Variants in ASTN2 observed in about 807,000 individuals in gnomAD.
The protein encoded by ASTN2 is astrotactin-2.
In ASTN2, 54 loss-of-function variants were observed where a neutral mutation model predicts 139.8. The ratio of observed to expected loss-of-function variants is 0.39; its 90% confidence interval spans 0.31 to 0.48. The LOEUF (loss-of-function observed/expected upper bound fraction) is 0.48. Ranked by LOEUF, ASTN2 falls within the 20% of genes least tolerant of loss-of-function variation. The pLI is 0.95. For synonymous variants in ASTN2, 756 were observed against 719.5 expected (o/e 1.05, Z -0.81); for missense variants, 1,565 against 1,725.1 (o/e 0.91, Z 1.64).
chr9:116,958,284 T>A (rs887987680), intron 10 of ASTN2, among the ~76,000 whole-genome samples: 1 of 152,054 alleles, frequency 6.6e-6, no homozygotes, highest in Non-Finnish European at 1.5e-5. Flanking sequence ...TGAGAGCCAC[T>A]CACTTAAACT....
At chr9:116,833,088 G>GT (rs775375719) in intron 11 of ASTN2, among the ~76,000 whole-genome samples, 28 of 152,170 alleles carry the variant, frequency 1.8e-4, no homozygotes, top group South Asian at 6.2e-4. Context: ...TTCCTTAATA[G>GT]TTATAGGGCT....
At chr9:117,339,151 AT>A (rs1828984934) in intron 1 of ASTN2, among the ~76,000 whole-genome samples, 1 of 152,010 alleles carries the variant, frequency 6.6e-6, no homozygotes, top group Non-Finnish European at 1.5e-5. Context: ...CAAACCCCCA[AT>A]TTTCTCTCAC....
chr9:117,240,366 G>C (rs976188779), intron 2 of ASTN2, among the ~76,000 whole-genome samples: 1 of 152,168 alleles, frequency 6.6e-6, no homozygotes, highest in East Asian at 1.9e-4. Context: ...AAGGGAACGA[G>C]GATGGTTGAA....
At chr9:117,165,959 C>G (rs900155602) in intron 3 of ASTN2, among the ~76,000 whole-genome samples, 1 of 152,092 alleles carries the variant, frequency 6.6e-6, no homozygotes. Flanking sequence ...CCTGAAGCAA[C>G]CCATTGATTA....
rs114387867 is a variant in ASTN2, at chr9:117,168,993, C to T, written c.1016-27515G>A. On this transcript the variant is annotated intron_variant, in intron 3 of 22. Transcript: ENST00000313400. The stretch of plus-strand genomic sequence containing the variant: ...TTGGACAATACACATCTCCTCTGAG[C>T]CTCAATATCCTCAGCTGTAACATGG... Among the ~76,000 whole-genome samples, 843 of 152,198 alleles carry T rather than the reference C, an allele frequency of 5.5e-3. 5 individuals are homozygous for T. Among genetic ancestry groups the T allele is most frequent in the African/African-American group, 0.019 (803 of 41,536 alleles).
chr9:117,350,458 G>A (rs752830998), intron 1 of ASTN2, among the ~76,000 whole-genome samples: 93 of 151,934 alleles, frequency 6.1e-4, no homozygotes, highest in Non-Finnish European at 1.2e-3. Flanking sequence ...GCTGAGGCAG[G>A]AAAATTGCTT....
At chr9:117,174,046 C>A (rs1830857616) in intron 3 of ASTN2, among the ~76,000 whole-genome samples, 1 of 150,434 alleles carries the variant, frequency 6.6e-6, no homozygotes, top group Non-Finnish European at 1.5e-5. Context: ...GGCATAAAAA[C>A]AAAATCTCTG....
chr9:117,112,970 A>G (rs1475117785), intron 4 of ASTN2, among the ~76,000 whole-genome samples: 1 of 152,188 alleles, frequency 6.6e-6, no homozygotes, highest in Non-Finnish European at 1.5e-5. Context: ...ATGAATGCTG[A>G]TAAGTACATG....
At chr9:117,062,091 T>C (rs1839310559) in intron 5 of ASTN2, among the ~76,000 whole-genome samples, 1 of 152,200 alleles carries the variant, frequency 6.6e-6, no homozygotes, top group Non-Finnish European at 1.5e-5. Context: ...TCTTCTCCTG[T>C]ACCACACGAT....
chr9:117,328,457 T>C (rs1033536844), intron 1 of ASTN2, among the ~76,000 whole-genome samples: 6 of 152,314 alleles, frequency 3.9e-5, no homozygotes, highest in Admixed American at 1.3e-4. Flanking sequence ...ATCATCTCTC[T>C]GCCATGACCT....
intron 19 of ASTN2, 83 bp from the exon 20 acceptor site, chr9:116,487,583 T>C: frequency 7.6e-7 from 1 of 1,322,582 alleles, no homozygotes; most frequent in Non-Finnish European, 1.0e-6. Context: ...ACCTATCAAA[T>C]GTCTTGATAC....
intron 10 of ASTN2, among the ~76,000 whole-genome samples, chr9:116,970,381 C>T (rs1029083402): frequency 6.6e-6 from 1 of 152,158 alleles, no homozygotes; most frequent in African/African-American, 2.4e-5. Flanking sequence ...AACCAGTGAG[C>T]TAGTGACTTC....
At chr9:117,055,898 T>C (rs1200323885) in intron 5 of ASTN2, among the ~76,000 whole-genome samples, 1 of 152,226 alleles carries the variant, frequency 6.6e-6, no homozygotes, top group East Asian at 1.9e-4. Flanking sequence ...CTTCCAAGGT[T>C]AGGTTATGAA....
chr9:116,867,422 T>C (rs1588367784), intron 10 of ASTN2, among the ~76,000 whole-genome samples: 3 of 150,390 alleles, frequency 2.0e-5, no homozygotes, highest in South Asian at 2.1e-4. Context: ...TGGTGGCGGG[T>C]GCCTGTAGTC....
At chr9:116,788,910 G>A (rs1012374711) in intron 13 of ASTN2, among the ~76,000 whole-genome samples, 2 of 152,134 alleles carry the variant, frequency 1.3e-5, no homozygotes, top group South Asian at 2.1e-4. Flanking sequence ...CCCAGAACCT[G>A]TCACATAATA....
At chr9:117,056,571 A>G (rs1004139843) in intron 5 of ASTN2, among the ~76,000 whole-genome samples, 2 of 152,176 alleles carry the variant, frequency 1.3e-5, no homozygotes, top group African/African-American at 4.8e-5. Flanking sequence ...AGACTTCACA[A>G]GCTTATTAAG....
chr9:117,014,803 C>T (rs1464722982), intron 6 of ASTN2, among the ~76,000 whole-genome samples: 2 of 152,028 alleles, frequency 1.3e-5, no homozygotes, highest in Non-Finnish European at 2.9e-5. Flanking sequence ...AGAGGAATGA[C>T]CATCTGAGGA....
At chr9:116,637,487 T>G (rs939217303) in intron 17 of ASTN2, among the ~76,000 whole-genome samples, 9 of 152,304 alleles carry the variant, frequency 5.9e-5, no homozygotes, top group Admixed American at 3.9e-4. Flanking sequence ...CATACAGTAT[T>G]TTTTTGAGAC....
chr9:116,863,541 C>T, intron 11 of ASTN2, 42 bp downstream of exon 11: 1 of 1,604,464 alleles, frequency 6.2e-7, no homozygotes, highest in Non-Finnish European at 8.5e-7. Flanking sequence ...GTGGCCTTAG[C>T]CCCTGGGCCA....
Sources: gnomAD v4.1 joint callset for allele counts (sites outside exome capture counted in the v4.1 genomes callset) on GRCh38, gnomAD v4.1.1 for gene constraint, MANE v1.5 for transcripts, NCBI Gene and HGNC (gene_info 2026-07-23, HGNC 2026-07-21) for gene names.